The following KIAA1217 variants were observed in gnomAD, a reference collection of about 807,000 sequenced individuals.
The protein encoded by KIAA1217 is sickle tail protein homolog.
A neutral mutation model predicts 163.9 loss-of-function variants in KIAA1217; 88 were observed. The observed-to-expected ratio is 0.54, with a 90% CI of 0.45 to 0.64. The LOEUF (loss-of-function observed/expected upper bound fraction) is 0.64, where lower values mean the gene tolerates loss of function less well. KIAA1217 is among the 30% of genes least tolerant of loss of function. The pLI, the probability that KIAA1217 is intolerant of heterozygous loss-of-function variation, is 0.00. For synonymous variants in KIAA1217, 903 were observed against 923.1 expected (o/e 0.98, Z 0.39); for missense variants, 2,372 against 2,475.0 (o/e 0.96, Z 0.88).
intron 2 of KIAA1217, among the ~76,000 whole-genome samples, chr10:24,063,606 T>C (rs1313792411): frequency 2.0e-5 from 3 of 152,228 alleles, no homozygotes; most frequent in African/African-American, 7.2e-5. Flanking sequence ...TGGCTTAGGA[T>C]TGACTTGGCA....
At chr10:24,488,863 T>C (rs1237254749) in intron 6 of KIAA1217, among the ~76,000 whole-genome samples, 1 of 152,146 alleles carries the variant, frequency 6.6e-6, no homozygotes, top group African/African-American at 2.4e-5. Context: ...TTAGTTCAGG[T>C]AGATTGCTCC....
chr10:23,781,022 G>A (rs961280644), intron 1 of KIAA1217, among the ~76,000 whole-genome samples: 35 of 152,122 alleles, frequency 2.3e-4, no homozygotes, highest in Non-Finnish European at 1.2e-4. Flanking sequence ...AGCCACTTAG[G>A]TTGTTTCCAT....
intron 2 of KIAA1217, among the ~76,000 whole-genome samples, chr10:24,055,354 T>C (rs574018658): frequency 1.3e-5 from 2 of 152,358 alleles, no homozygotes; most frequent in South Asian, 2.1e-4. Flanking sequence ...TCTTGTTTAA[T>C]ATTAGACTAT....
At chr10:24,139,926 T>A (rs2063985484) in intron 2 of KIAA1217, among the ~76,000 whole-genome samples, 1 of 152,134 alleles carries the variant, frequency 6.6e-6, no homozygotes, top group African/African-American at 2.4e-5. Context: ...AGTAGTAAAG[T>A]CAAGCAAATA....
chr10:24,158,417 G>A (rs1469861143), intron 2 of KIAA1217: 1 of 586,482 alleles, frequency 1.7e-6, no homozygotes. Context: ...GCACAGTATG[G>A]GAATATCTTA....
At chr10:24,154,541 C>A (rs1158697401) in intron 2 of KIAA1217, among the ~76,000 whole-genome samples, 1 of 152,000 alleles carries the variant, frequency 6.6e-6, no homozygotes, top group African/African-American at 2.4e-5. Flanking sequence ...ATGCTGCATA[C>A]CTGAAGCACC....
At chr10:23,811,498 C>T (rs1459164885) in intron 1 of KIAA1217, among the ~76,000 whole-genome samples, 1 of 151,494 alleles carries the variant, frequency 6.6e-6, no homozygotes, top group African/African-American at 2.4e-5. Flanking sequence ...TATGTTCATT[C>T]TTAGTTATAG....
intron 2 of KIAA1217, among the ~76,000 whole-genome samples, chr10:24,195,742 A>C (rs1397072209): frequency 2.0e-5 from 3 of 152,200 alleles, no homozygotes; most frequent in Non-Finnish European, 4.4e-5. Flanking sequence ...CTTTTAGGTG[A>C]AATGTGCTAA....
intron 2 of KIAA1217, among the ~76,000 whole-genome samples, chr10:24,275,340 A>G (rs1457030306): frequency 6.6e-6 from 1 of 152,204 alleles, no homozygotes; most frequent in Non-Finnish European, 1.5e-5. Context: ...AGGTGCACAC[A>G]CAGACACAAA....
At chr10:23,832,153 G>T (rs1838235436) in intron 1 of KIAA1217, among the ~76,000 whole-genome samples, 2 of 152,164 alleles carry the variant, frequency 1.3e-5, no homozygotes, top group Admixed American at 1.3e-4. Flanking sequence ...ATAGCAGATT[G>T]TCACTTATAC....
At chr10:23,705,750 G>A (rs1836842110) in intron 1 of KIAA1217, among the ~76,000 whole-genome samples, 1 of 152,062 alleles carries the variant, frequency 6.6e-6, no homozygotes, top group South Asian at 2.1e-4. Flanking sequence ...ACATTTTAGG[G>A]CCTGCTTATC....
intron 1 of KIAA1217, among the ~76,000 whole-genome samples, chr10:23,706,279 T>G (rs1836877004): frequency 6.6e-6 from 1 of 152,170 alleles, no homozygotes; most frequent in Non-Finnish European, 1.5e-5. Flanking sequence ...CTTGCCTAAT[T>G]GTCCTCGCTA....
In KIAA1217 at chr10:24,466,543, G is replaced by A. The variant is rs531427901; in HGVS notation, c.847-6685G>A. On this transcript the variant is annotated intron_variant, in intron 5 of 20. Transcript: ENST00000376454. ...TTACTTTTTATCCATGCCAGTGTCA[G>A]CTTCTCTCCGAAAACTGGGTAATAC... 3.0e-6 allele frequency: 3 copies of A among 985,360 alleles called. No homozygotes were observed. In the East Asian group the frequency reaches 3.4e-4, roughly 112 times the overall value. The allele number at this position is 985,360 out of a possible 1,614,324, so 61.0% of individuals were successfully genotyped here. A position where few individuals can be genotyped will look rare whatever the true frequency, so the allele number is the denominator to read the frequency against.
chr10:24,230,510 T>TG (rs2071249412), intron 2 of KIAA1217, among the ~76,000 whole-genome samples: 1 of 140,404 alleles, frequency 7.1e-6, no homozygotes, highest in South Asian at 2.4e-4. Context: ...TTGTTTTTTT[T>TG]TTTTTTTTTT....
intron 3 of KIAA1217, among the ~76,000 whole-genome samples, chr10:24,429,169 G>C (rs1006306756): frequency 1.3e-5 from 2 of 152,076 alleles, no homozygotes; most frequent in African/African-American, 2.4e-5. Context: ...TTATCTTTTG[G>C]TTTCTGAAGT....
In KIAA1217 at chr10:24,018,330, G is replaced by A. The variant is rs142139256; in HGVS notation, c.-171+10956G>A. On this transcript the variant is annotated intron_variant, in intron 2 of 18. Coordinates refer to the KIAA1217 transcript ENST00000376462. ...TTAAAAGCATATAGCAAGTATAGTAGAGTTACATAACATTAAACAGTGAAA... is the reference window on the plus strand; with the variant it reads ...TTAAAAGCATATAGCAAGTATAGTAAAGTTACATAACATTAAACAGTGAAA... Among the ~76,000 whole-genome samples, 630 of 152,104 alleles carry A rather than the reference G, an allele frequency of 4.1e-3. 5 individuals carry two copies. Among genetic ancestry groups the A allele is most frequent in the African/African-American group, 0.014 (584 of 41,536 alleles).
intron 2 of KIAA1217, among the ~76,000 whole-genome samples, chr10:24,181,247 T>C (rs1261523872): frequency 6.6e-6 from 1 of 152,210 alleles, no homozygotes; most frequent in Non-Finnish European, 1.5e-5. Context: ...GGGAACCTAA[T>C]CTGGCAAGTG....
chr10:24,135,245 G>A (rs916719439), intron 2 of KIAA1217, among the ~76,000 whole-genome samples: 2 of 152,200 alleles, frequency 1.3e-5, no homozygotes, highest in South Asian at 2.1e-4. Context: ...GATGGTCCCC[G>A]TCTCAGCAAG....
At chr10:24,329,998 G>A (rs913616878) in intron 2 of KIAA1217, among the ~76,000 whole-genome samples, 2 of 152,122 alleles carry the variant, frequency 1.3e-5, no homozygotes, top group African/African-American at 4.8e-5. Flanking sequence ...AGTGTGGGTT[G>A]CTTAAGAATA....
Sources: gnomAD v4.1 joint callset for allele counts (sites outside exome capture counted in the v4.1 genomes callset) on GRCh38, gnomAD v4.1.1 for gene constraint, MANE v1.5 for transcripts, NCBI Gene and HGNC (gene_info 2026-07-23, HGNC 2026-07-21) for gene names.